Variants in ATRN observed in about 807,000 individuals in gnomAD.
ATRN encodes the protein attractin-2.
Under a neutral mutation model 178.7 loss-of-function variants are expected in ATRN, and 54 were observed. The observed-to-expected ratio is 0.30, with a 90% CI of 0.24 to 0.38. The LOEUF is 0.38. Ranked by LOEUF, ATRN falls within the 10% of genes least tolerant of loss-of-function variation. ATRN has a pLI of 1.00. For missense variants in ATRN, 1,443 were observed against 1,815.1 expected (o/e 0.79, Z 3.73); for synonymous variants, 636 against 663.0 (o/e 0.96, Z 0.63).
chr20:3,509,605 C>T (rs928360207), intron 1 of ATRN, among the ~76,000 whole-genome samples: 9 of 150,790 alleles, frequency 6.0e-5, no homozygotes, highest in Admixed American at 1.3e-4. Flanking sequence ...TCAAGTGATT[C>T]GTCTGCCTCA....
intron 3 of ATRN, among the ~76,000 whole-genome samples, chr20:3,543,650 G>A (rs1056109100): frequency 9.9e-5 from 15 of 151,754 alleles, no homozygotes; most frequent in African/African-American, 2.2e-4. Context: ...GCTTAAACCA[G>A]GGAGGTGGAG....
intron 20 of ATRN, among the ~76,000 whole-genome samples, chr20:3,594,914 T>TAGAGATGGA (rs1245150528): frequency 7.9e-5 from 12 of 152,158 alleles, no homozygotes; most frequent in African/African-American, 2.7e-4. Flanking sequence ...TCCCAAAGAG[T>TAGAGATGGA]AGAGATGGAA....
intron 25 of ATRN, among the ~76,000 whole-genome samples, chr20:3,630,915 G>GTTTTTTT (rs1568774646): frequency 8.0e-5 from 5 of 62,456 alleles, no homozygotes; most frequent in Admixed American, 2.0e-4. Context: ...AATTTATTTA[G>GTTTTTTT]CTTTTTTTTT....
At chr20:3,478,995 C>T (rs1336812963) in intron 1 of ATRN, among the ~76,000 whole-genome samples, 4 of 147,400 alleles carry the variant, frequency 2.7e-5, no homozygotes, top group Non-Finnish European at 5.9e-5. Flanking sequence ...CTCCTGGGCT[C>T]AAGTGATCCT....
intron 6 of ATRN, among the ~76,000 whole-genome samples, chr20:3,557,604 G>A (rs948658412): frequency 6.6e-6 from 1 of 152,182 alleles, no homozygotes; most frequent in Non-Finnish European, 1.5e-5. Flanking sequence ...AGAAAGAGAA[G>A]TTGTGGTAAA....
chr20:3,582,144 A>G lies in ATRN; in HGVS notation c.2554A>G (p.Thr852Ala). The G allele has an allele frequency of 1.2e-6, 2 of 1,613,980 alleles. No individual in the cohort carries two copies. The highest frequency in any genetic ancestry group is 1.1e-5 in the South Asian group (1 of 91,074). ...TCTCTTTTGCCTTTAGTCCAAGCTC[A>G]CCTTAACCCCATGGGTCGGCCTTCG... ...MQSSQSMSKL[T>A]LTPWVGLRKI... The change falls in exon 16 of 29, where the codon ACC becomes GCC. Residue 852 changes from threonine to alanine, a missense_variant. Physicochemically the swap from Thr to Ala is moderately conservative, Grantham distance 58 (BLOSUM62 0). Around this residue, in one of 4 missense-constraint regions of ATRN, gnomAD observed 212 missense variants for 330.7 expected, o/e 0.64. Coordinates refer to ENST00000262919, the MANE Select transcript of ATRN (RefSeq NM_139321.3).
chr20:3,520,228 CA>C (rs2085273118), intron 1 of ATRN, among the ~76,000 whole-genome samples: 1 of 151,958 alleles, frequency 6.6e-6, no homozygotes, highest in African/African-American at 2.4e-5. Flanking sequence ...AAAAATGTGC[CA>C]AAGGTGTCAT....
intron 1 of ATRN, among the ~76,000 whole-genome samples, chr20:3,492,882 C>T (rs1332007426): frequency 7.0e-6 from 1 of 142,142 alleles, no homozygotes; most frequent in African/African-American, 2.9e-5. Context: ...CACGCACACA[C>T]ACACACACAC....
chr20:3,509,130 T>C (rs1407437818), intron 1 of ATRN, among the ~76,000 whole-genome samples: 1 of 152,154 alleles, frequency 6.6e-6, no homozygotes, highest in African/African-American at 2.4e-5. Flanking sequence ...AGACAGTAGA[T>C]TTAATGCCAG....
Position 3,584,641 on chromosome 20 carries a change from T to G in ATRN, c.2951-6T>G. ...ATAGTCAATTGCAACTTTTTTTTTT[T>G]AATAGCTGAAAATTGTTCAGGCTAC... On this transcript the variant is annotated splice_region_variant and splice_polypyrimidine_tract_variant and intron_variant, in intron 17 of 28. Transcript: ENST00000262919. The G allele has an allele frequency of 1.3e-6, 2 of 1,594,580 alleles. No individual in the cohort carries two copies.
chr20:3,592,138 G>A (rs1305976896), intron 19 of ATRN, among the ~76,000 whole-genome samples: 7 of 152,168 alleles, frequency 4.6e-5, no homozygotes, highest in Admixed American at 3.9e-4. Context: ...AGTGGCTCAC[G>A]CCTGTAATCC....
intron 2 of ATRN, among the ~76,000 whole-genome samples, chr20:3,536,424 T>C (rs950400479): frequency 6.6e-6 from 1 of 152,086 alleles, no homozygotes; most frequent in Non-Finnish European, 1.5e-5. Context: ...TTGGCCAGGC[T>C]GGTCTCGAAC....
intron 6 of ATRN, among the ~76,000 whole-genome samples, chr20:3,556,227 G>A (rs544840194): frequency 1.1e-3 from 167 of 152,258 alleles, no homozygotes; most frequent in Middle Eastern, 0.01. Context: ...CCTAACACAT[G>A]TAACAGACAG....
intron 1 of ATRN, among the ~76,000 whole-genome samples, chr20:3,529,412 A>G (rs1244163729): frequency 6.6e-6 from 1 of 152,254 alleles, no homozygotes; most frequent in Non-Finnish European, 1.5e-5. Context: ...AACTTCATTT[A>G]TAAAAGCCTA....
At chr20:3,489,787 G>T in intron 1 of ATRN, 1 of 1,309,460 alleles carries the variant, frequency 7.6e-7, no homozygotes, top group Non-Finnish European at 1.1e-6. Flanking sequence ...TTGCGCCCTT[G>T]GTAGGTGTAG....
chr20:3,592,715 G>A (rs977085037), intron 19 of ATRN, among the ~76,000 whole-genome samples: 2 of 152,112 alleles, frequency 1.3e-5, no homozygotes, highest in Admixed American at 6.5e-5. Flanking sequence ...GAGAGGCAGC[G>A]TTCTAGCTGT....
intron 6 of ATRN, among the ~76,000 whole-genome samples, chr20:3,552,090 C>T (rs1354496112): frequency 6.6e-6 from 1 of 152,142 alleles, no homozygotes; most frequent in East Asian, 1.9e-4. Flanking sequence ...TAGTTGGCTT[C>T]TAGGACACCA....
chr20:3,588,981 G>GTTTTTTT lies in ATRN; in HGVS notation c.3185-2175_3185-2169dup, dbSNP rs386393128. Among the ~76,000 whole-genome samples, 283 of 99,782 alleles carry GTTTTTTT rather than the reference G, an allele frequency of 2.8e-3. 24 individuals carry two copies. Among genetic ancestry groups the GTTTTTTT allele is most frequent in the Middle Eastern group, 0.012 (1 of 82 alleles). 65.5% of individuals were successfully genotyped at this position (99,782 alleles called of 152,430 possible). A position where few individuals can be genotyped will look rare whatever the true frequency, so the allele number is the denominator to read the frequency against. The stretch of plus-strand genomic sequence containing the variant: ...CATACAGTTCGTAGTATTTTCTTTT[G>GTTTTTTT]TTTTTTTTTTTTTTTTTTTGAGACA... On this transcript the variant is annotated intron_variant, in intron 18 of 28. Coordinates refer to ENST00000262919, the MANE Select transcript of ATRN (RefSeq NM_139321.3).
Position 3,597,896 on chromosome 20 carries a change from C to G in ATRN, c.3470-10C>G, listed in dbSNP as rs774817022. The G allele has an allele frequency of 6.5e-7, 1 of 1,544,720 alleles. No homozygotes were observed. The highest frequency in any genetic ancestry group is 1.1e-5 in the South Asian group (1 of 87,992). ...TTAGTTTTTAAATATGCATTTCTTT[C>G]TTTCCATAGATACTCTTCTTATTGA... On this transcript the variant is annotated splice_polypyrimidine_tract_variant and intron_variant, in intron 21 of 28. Transcript: ENST00000262919.
Sources: gnomAD v4.1 joint callset for allele counts (sites outside exome capture counted in the v4.1 genomes callset) on GRCh38, gnomAD v4.1.1 for gene constraint, gnomAD v4.1.1 regional missense constraint, MANE v1.5 for transcripts, NCBI Gene and HGNC (gene_info 2026-07-23, HGNC 2026-07-21) for gene names.